FSHR: variants seen among roughly 807,000 people sequenced by gnomAD.
FSHR encodes the protein follicle-stimulating hormone receptor.
FSHR carries 46 observed loss-of-function variants against 52.1 expected under a neutral mutation model. That is an observed-to-expected ratio of 0.88 (90% CI 0.70 to 1.13). FSHR has a LOEUF of 1.13. Among genes scored for constraint, FSHR ranks in the 50% most tolerant of loss-of-function variants. FSHR has a pLI of 0.00. For synonymous variants in FSHR, 399 were observed against 309.6 expected (o/e 1.29, Z -3.03); for missense variants, 964 against 834.6 (o/e 1.16, Z -1.91).
chr2:49,011,018 C>T (rs1667250264), intron 4 of FSHR, among the ~76,000 whole-genome samples: 1 of 150,894 alleles, frequency 6.6e-6, no homozygotes, highest in South Asian at 2.1e-4. Flanking sequence ...TTTTTTGTGT[C>T]TCTATTTCCT....
At position 49,140,272 on chromosome 2, in the gene FSHR, A is replaced by T. The variant is rs76818790; in HGVS notation, c.152+13994T>A. On this transcript the variant is annotated intron_variant, in intron 1 of 9. Coordinates refer to ENST00000406846, the MANE Select transcript of FSHR (RefSeq NM_000145.4). The stretch of plus-strand genomic sequence containing the variant: ...GTGAGCTGTTGGCTTGAGTTCACAC[A>T]AATCTGGTCGTTTGAAAGTGTGTGG... 1.2e-3 allele frequency among the ~76,000 whole-genome samples: 183 copies of T among 152,098 alleles called. 2 individuals carry two copies. In the East Asian group the frequency reaches 0.032, roughly 26 times the overall value.
chr2:48,970,185 A>T (rs1409658069), intron 8 of FSHR, among the ~76,000 whole-genome samples: 1 of 152,202 alleles, frequency 6.6e-6, no homozygotes, highest in Non-Finnish European at 1.5e-5. Context: ...TTGTATAATT[A>T]TCTTGCTCAA....
chr2:48,992,147 TC>T (rs369693551), intron 4 of FSHR, among the ~76,000 whole-genome samples: 17 of 152,314 alleles, frequency 1.1e-4, no homozygotes, highest in African/African-American at 3.9e-4. Flanking sequence ...GAAAAGAGGT[TC>T]TTTTTTGAAG....
chr2:48,994,508 A>G (rs1308401845), intron 4 of FSHR, among the ~76,000 whole-genome samples: 4 of 152,144 alleles, frequency 2.6e-5, no homozygotes, highest in Admixed American at 6.5e-5. Flanking sequence ...ATCTAGTGAG[A>G]TGGATTATTG....
At chr2:49,047,647 T>C (rs1239168620) in intron 2 of FSHR, among the ~76,000 whole-genome samples, 1 of 152,216 alleles carries the variant, frequency 6.6e-6, no homozygotes, top group Non-Finnish European at 1.5e-5. Context: ...ACTTTATGAT[T>C]TTTACAAAAG....
At chr2:49,153,118 C>G (rs1673122453) in intron 1 of FSHR, among the ~76,000 whole-genome samples, 1 of 152,206 alleles carries the variant, frequency 6.6e-6, no homozygotes. Flanking sequence ...TCAATCAGGT[C>G]TGCAAGGCTG....
intron 4 of FSHR, among the ~76,000 whole-genome samples, chr2:49,011,465 G>C (rs544440570): frequency 2.0e-5 from 3 of 152,022 alleles, no homozygotes; most frequent in Non-Finnish European, 2.9e-5. Context: ...GGTCAGTTTT[G>C]GAATAGGTGT....
chr2:49,027,982 T>C (rs1667968037), intron 2 of FSHR, among the ~76,000 whole-genome samples: 1 of 152,048 alleles, frequency 6.6e-6, no homozygotes, highest in African/African-American at 2.4e-5. Context: ...TTCCTAGTGA[T>C]GAAAGACAAG....
At chr2:49,006,114 C>T (rs1667067122) in intron 4 of FSHR, among the ~76,000 whole-genome samples, 1 of 152,124 alleles carries the variant, frequency 6.6e-6, no homozygotes, top group African/African-American at 2.4e-5. Flanking sequence ...CCTTGCTCCT[C>T]AGCTTGCAGA....
chr2:48,963,157 G>T lies in FSHR; in HGVS notation c.1664C>A (p.Thr555Lys). The T allele has an allele frequency of 6.2e-7, 1 of 1,614,162 alleles. No homozygotes were observed. Among genetic ancestry groups the T allele is most frequent in the East Asian group, 2.2e-5 (1 of 44,866 alleles). ...ICGCYIHIYL[T>K]VRNPNIVSSS... ...GGACACGATGTTGGGGTTCCGCACT[G>T]TGAGGTAGATGTGGATATAGCAGCC... The change falls in exon 10 of 10, where the codon ACA (threonine) becomes AAA (lysine). Residue 555 changes from threonine (T) to lysine (K), a missense_variant. Transcript: ENST00000406846.
chr2:49,086,237 C>T (rs1670387470), intron 1 of FSHR, among the ~76,000 whole-genome samples: 2 of 152,138 alleles, frequency 1.3e-5, no homozygotes, highest in South Asian at 4.1e-4. Context: ...GCCCATACTA[C>T]ATTATAGAGA....
At chr2:49,000,389 AT>A (rs1472809233) in intron 4 of FSHR, among the ~76,000 whole-genome samples, 2 of 152,190 alleles carry the variant, frequency 1.3e-5, no homozygotes, top group Non-Finnish European at 2.9e-5. Flanking sequence ...ATGTAAAAAA[AT>A]AAATAAGTTT....
At chr2:49,055,531 CAAAAAAAAAAAAAAA>C (rs75665223) in intron 2 of FSHR, among the ~76,000 whole-genome samples, 1 of 51,132 alleles carries the variant, frequency 2.0e-5, no homozygotes, top group South Asian at 7.7e-4. Flanking sequence ...CCAGGAAGCT[CAAAAAAAAAAAAAAA>C]AAAAAAAAAA....
intron 2 of FSHR, 44 bp from the exon 3 acceptor site, chr2:49,020,204 T>C (rs537551534): frequency 2.0e-6 from 3 of 1,476,312 alleles, no homozygotes; most frequent in Non-Finnish European, 2.8e-6. Flanking sequence ...TCAGTTACAC[T>C]CCTTGAATAT....
At chr2:49,106,385 T>C (rs886086602) in intron 1 of FSHR, among the ~76,000 whole-genome samples, 9 of 152,010 alleles carry the variant, frequency 5.9e-5, no homozygotes, top group African/African-American at 2.2e-4. Context: ...GCTCCTGCAG[T>C]TGGCCAACAG....
intron 1 of FSHR, among the ~76,000 whole-genome samples, chr2:49,120,598 A>G (rs1278349966): frequency 6.6e-6 from 1 of 152,204 alleles, no homozygotes; most frequent in African/African-American, 2.4e-5. Flanking sequence ...CAATCTCTAG[A>G]ATCAAGAGAT....
intron 1 of FSHR, among the ~76,000 whole-genome samples, chr2:49,124,670 A>G (rs1443001739): frequency 6.6e-6 from 1 of 152,100 alleles, no homozygotes; most frequent in Non-Finnish European, 1.5e-5. Context: ...TATGCCCAGA[A>G]TCCGACCCCT....
chr2:49,147,103 A>G (rs1035291315), intron 1 of FSHR, among the ~76,000 whole-genome samples: 1 of 152,138 alleles, frequency 6.6e-6, no homozygotes, highest in Non-Finnish European at 1.5e-5. Context: ...TTTTCAGATC[A>G]GCCAGCCTAT....
chr2:48,970,289 G>A (rs1338845892), intron 8 of FSHR, among the ~76,000 whole-genome samples: 1 of 152,014 alleles, frequency 6.6e-6, no homozygotes, highest in Non-Finnish European at 1.5e-5. Flanking sequence ...TATACTAGTT[G>A]TTCATGCTTT....
Sources: gnomAD v4.1 joint callset for allele counts (sites outside exome capture counted in the v4.1 genomes callset) on GRCh38, gnomAD v4.1.1 for gene constraint, MANE v1.5 for transcripts, NCBI Gene and HGNC (gene_info 2026-07-23, HGNC 2026-07-21) for gene names.